Variants in DHX15 observed in about 807,000 individuals in gnomAD.
The protein encoded by DHX15 is ATP-dependent RNA helicase DHX15.
Under a neutral mutation model 94.4 loss-of-function variants are expected in DHX15, and 11 were observed. The ratio of observed to expected loss-of-function variants is 0.12; its 90% CI spans 0.07 to 0.19. The LOEUF is 0.19. Ranked by LOEUF, DHX15 falls within the 10% of genes least tolerant of loss-of-function variation. The pLI, the probability that DHX15 is intolerant of heterozygous loss-of-function variation, is 1.00. For missense variants in DHX15, 304 were observed against 988.5 expected (o/e 0.31, Z 9.29); for synonymous variants, 338 against 329.9 (o/e 1.02, Z -0.27).
At chr4:24,550,968 C>T (rs1050642710) in intron 5 of DHX15, among the ~76,000 whole-genome samples, 5 of 152,170 alleles carry the variant, frequency 3.3e-5, no homozygotes, top group African/African-American at 1.2e-4. Flanking sequence ...ACGTTCAGCT[C>T]CACTATAATC....
chr4:24,542,739 A>T (rs1447970983), intron 7 of DHX15, among the ~76,000 whole-genome samples: 1 of 152,150 alleles, frequency 6.6e-6, no homozygotes, highest in Non-Finnish European at 1.5e-5. Flanking sequence ...CTAAAAGAAA[A>T]AAAAGCCTAG....
chr4:24,566,132 C>G (rs906298977), intron 3 of DHX15, among the ~76,000 whole-genome samples: 1 of 151,822 alleles, frequency 6.6e-6, no homozygotes, highest in Non-Finnish European at 1.5e-5. Flanking sequence ...CAGTCTCAAA[C>G]TCTTGGGTCC....
chr4:24,570,928 T>C (rs1344314105), intron 2 of DHX15, 81 bp from the exon 3 acceptor site: 2 of 1,414,010 alleles, frequency 1.4e-6, no homozygotes, highest in Non-Finnish European at 1.9e-6. Flanking sequence ...TTTATCTCAT[T>C]CTAATGATTT....
intron 3 of DHX15, among the ~76,000 whole-genome samples, chr4:24,559,156 C>T (rs79442987): frequency 7.8e-4 from 118 of 151,936 alleles, no homozygotes; most frequent in African/African-American, 2.5e-3. Flanking sequence ...GATTTGAACA[C>T]AAAAGGAAAG....
intron 6 of DHX15, among the ~76,000 whole-genome samples, chr4:24,545,321 C>T (rs1010929215): frequency 6.6e-6 from 1 of 152,120 alleles, no homozygotes; most frequent in South Asian, 2.1e-4. Flanking sequence ...TCTTTAGTTA[C>T]CATTATAAAA....
intron 1 of DHX15, among the ~76,000 whole-genome samples, chr4:24,583,965 C>G (rs1722541918): frequency 6.6e-6 from 1 of 152,226 alleles, no homozygotes; most frequent in Non-Finnish European, 1.5e-5. Context: ...CCCTCTCCTC[C>G]GGCTCCAGGC....
intron 10 of DHX15, chr4:24,539,734 T>A (rs1303457746): frequency 1.3e-5 from 2 of 155,714 alleles, no homozygotes; most frequent in African/African-American, 4.8e-5. Flanking sequence ...GCACACTTAA[T>A]AGAGCTAAGT....
At chr4:24,556,725 A>G (rs1721744544) in intron 3 of DHX15, among the ~76,000 whole-genome samples, 1 of 152,218 alleles carries the variant, frequency 6.6e-6, no homozygotes, top group South Asian at 2.1e-4. Context: ...AAAATTCGTC[A>G]TTTTCAATTT....
intron 7 of DHX15, among the ~76,000 whole-genome samples, chr4:24,542,316 T>G (rs1721329288): frequency 6.6e-6 from 1 of 152,140 alleles, no homozygotes; most frequent in African/African-American, 2.4e-5. Context: ...GTTCCTTGCT[T>G]TTTATATGCT....
At chr4:24,539,575 C>T (rs1017362535) in intron 10 of DHX15, 1 of 151,898 alleles carries the variant, frequency 6.6e-6, no homozygotes, top group Admixed American at 6.6e-5. Flanking sequence ...AAAAGAATAC[C>T]ATTATCAGAT....
intron 3 of DHX15, among the ~76,000 whole-genome samples, chr4:24,566,819 G>C (rs970229848): frequency 6.6e-6 from 1 of 152,204 alleles, no homozygotes; most frequent in African/African-American, 2.4e-5. Context: ...GATGAGATGA[G>C]ACTCTATCTC....
chr4:24,567,894 G>A lies in DHX15; in HGVS notation c.701+2760C>T, dbSNP rs74286774. Among the ~76,000 whole-genome samples, 124 of 152,258 alleles carry A rather than the reference G, an allele frequency of 8.1e-4. 2 individuals carry two copies. In the East Asian group the frequency reaches 0.023, roughly 28 times the overall value. ...GGAAATATAAAAACCATTTAGGAGT[G>A]GCAGCTTTGTAAACTTACTTGTTCA... On this transcript the variant is annotated intron_variant, in intron 3 of 13. Transcript: ENST00000336812.
chr4:24,554,939 A>G lies in DHX15; in HGVS notation c.866T>C (p.Ile289Thr). 1 of 1,611,986 alleles carries G rather than the reference A, an allele frequency of 6.2e-7. No individual in the cohort carries two copies. Among genetic ancestry groups the G allele is most frequent in the Non-Finnish European group, 8.5e-7 (1 of 1,178,520 alleles). Residue 289 changes from isoleucine (I) to threonine (T), a missense_variant, in exon 5 of 14, where the codon ATA becomes ACA. Around this residue, in one of 9 missense-constraint regions of DHX15, gnomAD observed 29 missense variants for 181.6 expected, o/e 0.16. Transcript: ENST00000336812. The part of the protein sequence containing the change: ...VVRQRSDLKV[I>T]VMSATLDAGK... ...TGCATCTAGAGTAGCGCTCATAACT[A>G]TAACCTGAAAGAAAACAGTAAATTA...
intron 1 of DHX15, among the ~76,000 whole-genome samples, chr4:24,580,448 G>A (rs1016777388): frequency 2.0e-5 from 3 of 150,798 alleles, no homozygotes; most frequent in African/African-American, 7.3e-5. Context: ...AACAGGCACT[G>A]AAGTACTGCT....
intron 3 of DHX15, among the ~76,000 whole-genome samples, chr4:24,570,160 G>C (rs180860933): frequency 2.0e-5 from 3 of 152,188 alleles, no homozygotes; most frequent in Admixed American, 1.3e-4. Context: ...CAAGGACCTA[G>C]AGGCAGCTCT....
chr4:24,542,949 C>T lies in DHX15; in HGVS notation c.1326G>A (p.Ala442=), dbSNP rs770435424. 9.3e-6 allele frequency: 15 copies of T among 1,612,302 alleles called. No individual in the cohort carries two copies. Among genetic ancestry groups the T allele is most frequent in the Admixed American group, 6.7e-5 (4 of 59,960 alleles). ...GVVFVIDPGF[A]KQKVYNPRIR... Reference sequence around the variant, plus strand: ...TCCACTAAATATGTACCTTCTGTTTCGCAAATCCAGGATCAATCACAAACA... The same window carrying T: ...TCCACTAAATATGTACCTTCTGTTTTGCAAATCCAGGATCAATCACAAACA... Residue 442 remains alanine (A), a synonymous_variant, in exon 7 of 14, where the codon GCG becomes GCA. Coordinates refer to ENST00000336812, the MANE Select transcript of DHX15 (RefSeq NM_001358.3).
intron 11 of DHX15, chr4:24,533,900 C>T (rs572802437): frequency 2.4e-4 from 37 of 152,316 alleles, no homozygotes; most frequent in African/African-American, 8.7e-4. Flanking sequence ...GTTGATCCTT[C>T]TCTTGCTACT....
chr4:24,575,544 G>A (rs912219461), intron 2 of DHX15, among the ~76,000 whole-genome samples: 7 of 152,104 alleles, frequency 4.6e-5, no homozygotes, highest in Admixed American at 6.6e-5. Flanking sequence ...AGTTTCCCAC[G>A]TGTTCTCCTA....
In DHX15 at chr4:24,541,963, T is replaced by C. The variant is rs1205679977; in HGVS notation, c.1395A>G (p.Ser465=). ...SLLVTAISKA[S]AQQRAGRAGR... ...CAGCTCGACCAGCCCTTTGCTGAGCTGAAGCTTTACTAATAGCTGTCACCA... is the reference window on the plus strand; with the variant it reads ...CAGCTCGACCAGCCCTTTGCTGAGCCGAAGCTTTACTAATAGCTGTCACCA... Residue 465 remains serine, a synonymous_variant, in exon 8 of 14, where the codon TCA becomes TCG. Coordinates refer to ENST00000336812, the MANE Select transcript of DHX15 (RefSeq NM_001358.3). 1.9e-6 allele frequency: 3 copies of C among 1,612,878 alleles called. No homozygotes were observed. The highest frequency in any genetic ancestry group is 1.1e-5 in the South Asian group (1 of 90,954).
Sources: gnomAD v4.1 joint callset for allele counts (sites outside exome capture counted in the v4.1 genomes callset) on GRCh38, gnomAD v4.1.1 for gene constraint, gnomAD v4.1.1 regional missense constraint, MANE v1.5 for transcripts, NCBI Gene and HGNC (gene_info 2026-07-23, HGNC 2026-07-21) for gene names.